NUP93: variants seen among roughly 807,000 people sequenced by gnomAD.
NUP93 encodes nucleoporin 93.
NUP93 carries 55 observed loss-of-function variants against 107.8 expected under a neutral mutation model. The observed-to-expected ratio is 0.51, with a 90% confidence interval of 0.41 to 0.64. The LOEUF is 0.64. Ranked by LOEUF, NUP93 falls within the 30% of genes least tolerant of loss-of-function variation. NUP93 has a pLI of 0.00. For synonymous variants in NUP93, 390 were observed against 397.5 expected, an observed-to-expected ratio of 0.98 and a Z score of 0.22; for missense variants, 937 against 1,044.7, an observed-to-expected ratio of 0.90 and a Z score of 1.42.
intron 5 of NUP93, among the ~76,000 whole-genome samples, chr16:56,812,268 C>T (rs1963332010): frequency 6.6e-6 from 1 of 152,118 alleles, no homozygotes; most frequent in Admixed American, 6.6e-5. Flanking sequence ...TGTTTTTCCC[C>T]CACACCTTCC....
chr16:56,842,679 A>T, intron 21 of NUP93: 1 of 440,944 alleles, frequency 2.3e-6, no homozygotes, highest in Non-Finnish European at 4.5e-6. Context: ...CACCCTCCCA[A>T]GTAGCTGGGA....
At chr16:56,810,058 C>A (rs1014542856) in intron 5 of NUP93, among the ~76,000 whole-genome samples, 2 of 152,134 alleles carry the variant, frequency 1.3e-5, no homozygotes, top group Non-Finnish European at 2.9e-5. Flanking sequence ...ATGGGATGTT[C>A]TTTCTTGATT....
chr16:56,810,587 G>A (rs1173528070), intron 5 of NUP93, among the ~76,000 whole-genome samples: 6 of 152,090 alleles, frequency 3.9e-5, no homozygotes, highest in East Asian at 1.9e-4. Flanking sequence ...AGCTGTGATC[G>A]CACCACTGTA....
chr16:56,818,562 C>A, intron 5 of NUP93, 102 bp from the exon 6 acceptor site: 1 of 933,222 alleles, frequency 1.1e-6, no homozygotes, highest in Non-Finnish European at 1.7e-6. Flanking sequence ...ACAGACTTTT[C>A]ACAGCTCTGT....
In NUP93 at chr16:56,850,271, A is replaced by C. The variant is rs756537397; in HGVS notation, c.*5662A>C. 6 of 152,284 alleles carry C rather than the reference A, an allele frequency of 3.9e-5. No individual in the cohort carries two copies. Among genetic ancestry groups the C allele is most frequent in the Middle Eastern group, 3.4e-3 (1 of 296 alleles). The allele number at this position is 152,284 out of a possible 1,614,324, so 9.4% of individuals were successfully genotyped here. A position where few individuals can be genotyped will look rare whatever the true frequency, so the allele number is the denominator to read the frequency against. The stretch of plus-strand genomic sequence containing the variant: ...CCACTATCCCTGTCTGTAGCCAGTA[A>C]ATTTCTGGAATATTCTCCCAGAGTG... On this transcript the variant is annotated 3_prime_UTR_variant, in exon 22 of 22. Transcript: ENST00000308159.
At position 56,802,789 on chromosome 16, in the gene NUP93, C is replaced by T. The variant is rs558768463; in HGVS notation, c.361-2715C>T. ...ATTGCTAATACTCATTCCCTTATTG[C>T]TGCCTAATTAGATGCCAATCTGATT... On this transcript the variant is annotated intron_variant, in intron 4 of 21. Transcript: ENST00000308159. Among the ~76,000 whole-genome samples the T allele has an allele frequency of 3.3e-5, 5 of 152,312 alleles. No individual in the cohort carries two copies. In the South Asian group the frequency reaches 1.0e-3, roughly 32 times the overall value.
chr16:56,838,888 G>A (rs1963964154), intron 18 of NUP93, 64 bp from the exon 19 acceptor site: 1 of 1,138,658 alleles, frequency 8.8e-7, no homozygotes, highest in Non-Finnish European at 1.3e-6. Context: ...CTATTCCACT[G>A]TTACGGATTA....
intron 6 of NUP93, 74 bp downstream of exon 6, chr16:56,818,812 A>C (rs1345232686): frequency 1.5e-6 from 2 of 1,315,060 alleles, no homozygotes; most frequent in Non-Finnish European, 2.1e-6. Context: ...GGAAACAAAA[A>C]CTTGTAAAAG....
At chr16:56,836,829 C>A in intron 17 of NUP93, 112 bp downstream of exon 17, 1 of 671,790 alleles carries the variant, frequency 1.5e-6, no homozygotes, top group Non-Finnish European at 2.6e-6. Context: ...CCTGCAGAGG[C>A]ATTTGCTCTA....
At chr16:56,759,427 T>C (rs1200303648) in intron 3 of NUP93, among the ~76,000 whole-genome samples, 1 of 152,258 alleles carries the variant, frequency 6.6e-6, no homozygotes, top group African/African-American at 2.4e-5. Context: ...GAATTAATAC[T>C]CTCTATCCTA....
intron 1 of NUP93, among the ~76,000 whole-genome samples, chr16:56,735,045 G>A (rs1961590063): frequency 6.6e-6 from 1 of 152,178 alleles, no homozygotes; most frequent in South Asian, 2.1e-4. Context: ...GCCCATAGTG[G>A]GGACTCATAC....
rs550129922 is a variant in NUP93 at position 56,836,526 on chromosome 16, G to T, written c.1783-75G>T. The T allele has an allele frequency of 7.4e-5, 64 of 859,602 alleles. No individual in the cohort carries two copies. In the African/African-American group the frequency reaches 1.0e-3, roughly 14 times the overall value. 53.2% of individuals were successfully genotyped at this position (859,602 alleles called of 1,614,324 possible). A position where few individuals can be genotyped will look rare whatever the true frequency, so the allele number is the denominator to read the frequency against. Reference sequence around the variant, plus strand: ...TTGAAGTATTTTTTGGATCCTAATTGCTTCTCTGTGTTTAAAATAATAGCT... The same window carrying T: ...TTGAAGTATTTTTTGGATCCTAATTTCTTCTCTGTGTTTAAAATAATAGCT... On this transcript the variant is annotated intron_variant, in intron 16 of 21. Transcript: ENST00000308159.
chr16:56,800,536 G>C (rs1962998329), intron 4 of NUP93, among the ~76,000 whole-genome samples: 1 of 152,200 alleles, frequency 6.6e-6, no homozygotes, highest in Admixed American at 6.5e-5. Context: ...ATATGTGTTT[G>C]TGAGGGAGGC....
chr16:56,751,988 C>T (rs1441119459), intron 2 of NUP93, among the ~76,000 whole-genome samples: 1 of 152,198 alleles, frequency 6.6e-6, no homozygotes, highest in African/African-American at 2.4e-5. Context: ...ATATGCATTG[C>T]ATAAGCCGTA....
chr16:56,833,238 C>G lies in NUP93; in HGVS notation c.1369C>G (p.Gln457Glu). 1 of 1,598,224 alleles carries G rather than the reference C, an allele frequency of 6.3e-7. No homozygotes were observed. Among genetic ancestry groups the G allele is most frequent in the Non-Finnish European group, 8.5e-7 (1 of 1,174,350 alleles). The change falls in exon 13 of 22, where the codon CAG becomes GAG. Residue 457 changes from glutamine to glutamate, a missense_variant. Coordinates refer to ENST00000308159, the MANE Select transcript of NUP93 (RefSeq NM_014669.5). ...DYGESHFTVN[Q>E]QPFLYFQVLF... ...AGGCGAGTCCCACTTTACGGTGAAC[C>G]AGCAACCCTTCCTCTACTTCCAAGT... is the stretch of plus-strand genomic sequence containing the variant.
intron 1 of NUP93, among the ~76,000 whole-genome samples, chr16:56,738,992 G>A (rs1961657978): frequency 1.4e-5 from 2 of 146,284 alleles, no homozygotes; most frequent in Non-Finnish European, 3.0e-5. Context: ...AATCCTGAGT[G>A]GACAACACAG....
At chr16:56,764,388 G>A (rs1221397432) in intron 3 of NUP93, among the ~76,000 whole-genome samples, 3 of 152,142 alleles carry the variant, frequency 2.0e-5, no homozygotes, top group African/African-American at 4.8e-5. Context: ...TACTCAGGAG[G>A]TTAAGACAGG....
intron 3 of NUP93, among the ~76,000 whole-genome samples, chr16:56,763,930 A>T (rs1962174355): frequency 6.6e-6 from 1 of 152,174 alleles, no homozygotes; most frequent in Admixed American, 6.5e-5. Context: ...TCTGTCCTAT[A>T]TAAGTAAAGA....
intron 5 of NUP93, among the ~76,000 whole-genome samples, chr16:56,808,490 G>GTAACTATAAAATATATAGTTACA (rs1567398769): frequency 3.2e-4 from 32 of 99,298 alleles, no homozygotes; most frequent in Non-Finnish European, 4.1e-4. Flanking sequence ...ATATAGTTAT[G>GTAACTATAAAATATATAGTTACA]TAACTATATA....
Sources: gnomAD v4.1 joint callset for allele counts (sites outside exome capture counted in the v4.1 genomes callset) on GRCh38, gnomAD v4.1.1 for gene constraint, MANE v1.5 for transcripts, NCBI Gene and HGNC (gene_info 2026-07-23, HGNC 2026-07-21) for gene names.